The following NTN1 variants were observed in gnomAD, a reference collection of about 807,000 sequenced individuals.
The protein encoded by NTN1 is netrin 1, also known as netrin-1.
A neutral mutation model predicts 54.2 loss-of-function variants in NTN1; 11 were observed. The observed-to-expected ratio is 0.20, with a 90% CI of 0.13 to 0.34. The LOEUF is 0.34. Ranked by LOEUF, NTN1 falls within the 10% of genes least tolerant of loss-of-function variation. The pLI is 1.00. For missense variants in NTN1, 740 were observed against 893.1 expected, an observed-to-expected ratio of 0.83 and a Z score of 2.18; for synonymous variants, 371 against 382.0, an observed-to-expected ratio of 0.97 and a Z score of 0.33.
chr17:9,228,899 T>C (rs1905694734), intron 6 of NTN1, among the ~76,000 whole-genome samples: 1 of 46,232 alleles, frequency 2.2e-5, no homozygotes, highest in African/African-American at 1.1e-4. Flanking sequence ...TGTGTGATTG[T>C]GTTCGTGACT....
intron 2 of NTN1, among the ~76,000 whole-genome samples, chr17:9,026,674 A>G (rs2091872269): frequency 6.6e-6 from 1 of 151,906 alleles, no homozygotes; most frequent in African/African-American, 2.4e-5. Flanking sequence ...CCTTTTTTCA[A>G]AAGAGCATCT....
intron 2 of NTN1, among the ~76,000 whole-genome samples, chr17:9,045,253 CT>C (rs2091938272): frequency 6.6e-6 from 1 of 152,214 alleles, no homozygotes; most frequent in Non-Finnish European, 1.5e-5. Flanking sequence ...GCCTCATTGC[CT>C]TTTGGCCTGG....
intron 2 of NTN1, among the ~76,000 whole-genome samples, chr17:9,129,732 C>T (rs926610109): frequency 3.9e-5 from 6 of 152,314 alleles, no homozygotes; most frequent in Admixed American, 6.5e-5. Context: ...GAGAGTTCCA[C>T]GCTCTCTCTG....
At chr17:9,071,438 CTGTG>C (rs2142215555) in intron 2 of NTN1, among the ~76,000 whole-genome samples, 1 of 152,204 alleles carries the variant, frequency 6.6e-6, no homozygotes, top group African/African-American at 2.4e-5. Flanking sequence ...CCATTCTACT[CTGTG>C]TGACCTTTAT....
intron 6 of NTN1, among the ~76,000 whole-genome samples, chr17:9,225,980 C>G (rs956010797): frequency 6.6e-6 from 1 of 152,174 alleles, no homozygotes; most frequent in Non-Finnish European, 1.5e-5. Flanking sequence ...GGGTCTGGGG[C>G]TCCGCGGACC....
chr17:9,128,767 C>T (rs2092254964), intron 2 of NTN1, among the ~76,000 whole-genome samples: 1 of 152,174 alleles, frequency 6.6e-6, no homozygotes, highest in Admixed American at 6.5e-5. Context: ...ATTCTCAGGG[C>T]CGCCTGGCCA....
rs141751543 is a variant in NTN1 at position 9,039,936 on chromosome 17, G to A, written c.1018+16545G>A. 3.7e-4 allele frequency among the ~76,000 whole-genome samples: 56 copies of A among 152,300 alleles called. No homozygotes were observed. The East Asian group carries it at 9.1e-3, about 25-fold the overall frequency. Reference sequence around the variant, plus strand: ...CTAGTTTTTGGCTATTACAGGTAAAGCAGCTATGAACATTCTTTTAGAAGT... The same window carrying A: ...CTAGTTTTTGGCTATTACAGGTAAAACAGCTATGAACATTCTTTTAGAAGT... On this transcript the variant is annotated intron_variant, in intron 2 of 6. Coordinates refer to ENST00000173229, the MANE Select transcript of NTN1 (RefSeq NM_004822.3).
intron 2 of NTN1, among the ~76,000 whole-genome samples, chr17:9,040,473 C>CTAAACTTGCA (rs2091917936): frequency 6.6e-6 from 1 of 152,146 alleles, no homozygotes; most frequent in Non-Finnish European, 1.5e-5. Flanking sequence ...TTGCAACCTT[C>CTAAACTTGCA]AGCTTTACTA....
At chr17:9,112,597 A>G (rs992577202) in intron 2 of NTN1, among the ~76,000 whole-genome samples, 7 of 145,986 alleles carry the variant, frequency 4.8e-5, no homozygotes, top group Non-Finnish European at 9.0e-5. Context: ...AGGCCGAGGC[A>G]GGCGGATCAC....
At chr17:9,210,753 A>G (rs1319456524) in intron 5 of NTN1, among the ~76,000 whole-genome samples, 1 of 151,978 alleles carries the variant, frequency 6.6e-6, no homozygotes, top group Non-Finnish European at 1.5e-5. Context: ...CAAAAATACA[A>G]AAATTAGCTG....
intron 2 of NTN1, among the ~76,000 whole-genome samples, chr17:9,103,326 T>C (rs2092156263): frequency 6.6e-6 from 1 of 152,202 alleles, no homozygotes; most frequent in South Asian, 2.1e-4. Context: ...TGATATGGTT[T>C]GGCTGTGTCC....
intron 2 of NTN1, among the ~76,000 whole-genome samples, chr17:9,123,365 C>A (rs1417487749): frequency 6.6e-6 from 1 of 152,198 alleles, no homozygotes; most frequent in Non-Finnish European, 1.5e-5. Flanking sequence ...AAAAGATGAA[C>A]TCCTTACATA....
intron 2 of NTN1, among the ~76,000 whole-genome samples, chr17:9,053,172 T>C (rs2091966512): frequency 6.6e-6 from 1 of 152,224 alleles, no homozygotes; most frequent in Non-Finnish European, 1.5e-5. Context: ...CCGCTTTCCA[T>C]ACAACAGCAG....
At chr17:9,234,388 G>A (rs1905911569) in intron 6 of NTN1, among the ~76,000 whole-genome samples, 1 of 152,232 alleles carries the variant, frequency 6.6e-6, no homozygotes, top group African/African-American at 2.4e-5. Context: ...TGGCCCATGG[G>A]CTGAGGGCAG....
chr17:9,075,261 A>G (rs1316642265), intron 2 of NTN1, among the ~76,000 whole-genome samples: 1 of 152,152 alleles, frequency 6.6e-6, no homozygotes, highest in Non-Finnish European at 1.5e-5. Context: ...CGGGTGGAAT[A>G]CTTGAGCCCA....
intron 2 of NTN1, among the ~76,000 whole-genome samples, chr17:9,062,294 T>C (rs576487770): frequency 7.2e-5 from 11 of 152,346 alleles, no homozygotes; most frequent in African/African-American, 2.6e-4. Context: ...GGAGAAGCCA[T>C]CTAGGAAAAT....
At chr17:9,071,025 G>A (rs1412236033) in intron 2 of NTN1, among the ~76,000 whole-genome samples, 2 of 152,212 alleles carry the variant, frequency 1.3e-5, no homozygotes, top group South Asian at 2.1e-4. Context: ...TGTCCGCCAC[G>A]TTGCTTCCAC....
chr17:9,151,528 G>A (rs1041340000), intron 2 of NTN1, among the ~76,000 whole-genome samples: 18 of 152,132 alleles, frequency 1.2e-4, no homozygotes, highest in African/African-American at 3.9e-4. Flanking sequence ...CCTCTTCCAC[G>A]GCATTTCTGG....
intron 5 of NTN1, among the ~76,000 whole-genome samples, chr17:9,202,073 A>C (rs1469642315): frequency 3.9e-4 from 52 of 131,976 alleles, no homozygotes; most frequent in Non-Finnish European, 5.9e-4. Context: ...AAAAAAAAAA[A>C]AAAAAAAAAA....
Sources: allele counts gnomAD v4.1 joint callset (sites outside exome capture counted in the v4.1 genomes callset), GRCh38; gene constraint gnomAD v4.1.1; transcripts MANE v1.5; gene names NCBI Gene and HGNC (gene_info 2026-07-23, HGNC 2026-07-21).